FBXW4: variants seen among roughly 807,000 people sequenced by gnomAD.
FBXW4 encodes F-box and WD repeat domain containing 4, also known as F-box/WD repeat-containing protein 4.
In FBXW4, 40 loss-of-function variants were observed where a neutral mutation model predicts 61.8. The ratio of observed to expected loss-of-function variants is 0.65; its 90% CI spans 0.50 to 0.84. The LOEUF (loss-of-function observed/expected upper bound fraction) is 0.84. Ranked by LOEUF, FBXW4 falls within the 40% of genes least tolerant of loss-of-function variation. The probability of loss-of-function intolerance (pLI) is 0.00; values close to 1 mark genes in which losing one functional copy is unlikely to be tolerated. For missense variants in FBXW4, 672 were observed against 753.8 expected (o/e 0.89, Z 1.27); for synonymous variants, 311 against 313.8 (o/e 0.99, Z 0.10).
At chr10:101,689,007 C>A (rs986063344) in intron 1 of FBXW4, among the ~76,000 whole-genome samples, 4 of 152,054 alleles carry the variant, frequency 2.6e-5, no homozygotes, top group Non-Finnish European at 4.4e-5. Flanking sequence ...ACACGTAATT[C>A]TTTTCTAAGT....
At chr10:101,689,779 G>T (rs1278416090) in intron 1 of FBXW4, among the ~76,000 whole-genome samples, 3 of 152,144 alleles carry the variant, frequency 2.0e-5, no homozygotes, top group Non-Finnish European at 4.4e-5. Context: ...AACACACTCT[G>T]CTTATCTGTG....
At chr10:101,675,971 A>G (rs1301997944) in intron 2 of FBXW4, among the ~76,000 whole-genome samples, 1 of 152,228 alleles carries the variant, frequency 6.6e-6, no homozygotes, top group Non-Finnish European at 1.5e-5. Context: ...TATTTGTAAA[A>G]TAAGATGAAT....
In FBXW4 at chr10:101,612,342, G is replaced by C; in HGVS notation, c.1437C>G (p.Ser479Arg). The change falls in exon 7 of 9, where the codon AGC (serine) becomes AGG (arginine). Residue 479 changes from serine (S) to arginine (R), a missense_variant. Transcript: ENST00000331272. ...TCCCTGCCCAGCACACTCACCGGAC[G>C]CTGGTGCGGAGGTCCCAGTAGCGAA... ...TYVRYWDLRT[S>R]VRKCVMEWEE... 1 of 1,565,224 alleles carries C rather than the reference G, an allele frequency of 6.4e-7. No homozygotes were observed. Among genetic ancestry groups the C allele is most frequent in the Non-Finnish European group, 8.7e-7 (1 of 1,152,732 alleles).
At chr10:101,652,840 A>G (rs2064155826) in intron 5 of FBXW4, among the ~76,000 whole-genome samples, 1 of 151,938 alleles carries the variant, frequency 6.6e-6, no homozygotes. Flanking sequence ...TGGCTGATCT[A>G]CTCTTCTCCA....
At chr10:101,664,287 T>C (rs1450531355) in intron 5 of FBXW4, among the ~76,000 whole-genome samples, 1 of 152,142 alleles carries the variant, frequency 6.6e-6, no homozygotes, top group African/African-American at 2.4e-5. Context: ...GATTAATATA[T>C]CTGACAAATT....
At chr10:101,624,973 C>T in intron 5 of FBXW4, 163 bp from the exon 6 acceptor site, 1 of 743,934 alleles carries the variant, frequency 1.3e-6, no homozygotes, top group Non-Finnish European at 2.3e-6. Flanking sequence ...GGGAAGACAT[C>T]TTGGAGCACT....
chr10:101,649,479 G>GA (rs1488691108), intron 5 of FBXW4, among the ~76,000 whole-genome samples: 1 of 151,854 alleles, frequency 6.6e-6, no homozygotes, highest in Non-Finnish European at 1.5e-5. Context: ...AAATATTAAG[G>GA]AAAAAAAAGA....
chr10:101,621,561 G>T (rs769460507), intron 6 of FBXW4, among the ~76,000 whole-genome samples: 1 of 152,044 alleles, frequency 6.6e-6, no homozygotes, highest in Admixed American at 6.6e-5. Context: ...AAACTCCGAG[G>T]TACTAGTTTG....
At chr10:101,663,315 C>G (rs1381318980) in intron 5 of FBXW4, among the ~76,000 whole-genome samples, 1 of 152,036 alleles carries the variant, frequency 6.6e-6, no homozygotes, top group Non-Finnish European at 1.5e-5. Context: ...GAAGCTGACA[C>G]GTATCAAGTG....
At chr10:101,674,326 CAAA>C (rs11431014) in intron 2 of FBXW4, among the ~76,000 whole-genome samples, 2 of 140,048 alleles carry the variant, frequency 1.4e-5, no homozygotes, top group South Asian at 2.3e-4. Flanking sequence ...GAGACTGTCT[CAAA>C]AAAAAAAAAA....
chr10:101,670,733 T>C (rs1003893279), intron 4 of FBXW4, among the ~76,000 whole-genome samples: 6 of 152,212 alleles, frequency 3.9e-5, no homozygotes, highest in Admixed American at 1.3e-4. Context: ...AATGAAGGAA[T>C]GGTTAGTACC....
intron 5 of FBXW4, among the ~76,000 whole-genome samples, chr10:101,665,111 G>C (rs2134881217): frequency 6.6e-6 from 1 of 152,094 alleles, no homozygotes; most frequent in East Asian, 1.9e-4. Flanking sequence ...TTATTGAAAG[G>C]TTCAAATTCA....
chr10:101,620,188 C>G (rs2063857251), intron 6 of FBXW4, among the ~76,000 whole-genome samples: 1 of 152,268 alleles, frequency 6.6e-6, no homozygotes, highest in African/African-American at 2.4e-5. Context: ...ACCCCAAGTC[C>G]TGCCGGCAAT....
At position 101,656,400 on chromosome 10, in the gene FBXW4, T is replaced by C. The variant is rs142256886; in HGVS notation, c.1235+11486A>G. Among the ~76,000 whole-genome samples the C allele has an allele frequency of 1.8e-3, 279 of 152,350 alleles. 7 individuals are homozygous for C. In the East Asian group the frequency reaches 0.046, roughly 25 times the overall value. ...GGGAAATCGAGAGAGGAAAAAGGCC[T>C]GGTGGCCTCACATTCTACTTCATCA... On this transcript the variant is annotated intron_variant, in intron 5 of 8. Coordinates refer to ENST00000331272, the MANE Select transcript of FBXW4 (RefSeq NM_022039.4).
At chr10:101,656,765 C>G (rs1208085645) in intron 5 of FBXW4, among the ~76,000 whole-genome samples, 1 of 152,126 alleles carries the variant, frequency 6.6e-6, no homozygotes, top group African/African-American at 2.4e-5. Flanking sequence ...ACATGGAAAA[C>G]ATGGGGGTGG....
intron 6 of FBXW4, among the ~76,000 whole-genome samples, chr10:101,620,076 C>T (rs2063856378): frequency 6.6e-6 from 1 of 152,182 alleles, no homozygotes; most frequent in Non-Finnish European, 1.5e-5. Flanking sequence ...GCTCTCTGCC[C>T]AAGCCCCAGC....
At chr10:101,679,874 A>G (rs940463115) in intron 1 of FBXW4, among the ~76,000 whole-genome samples, 1 of 152,106 alleles carries the variant, frequency 6.6e-6, no homozygotes, top group Non-Finnish European at 1.5e-5. Context: ...TAATTTTTCT[A>G]TCACTTACCC....
At chr10:101,683,290 G>A (rs1399616574) in intron 1 of FBXW4, among the ~76,000 whole-genome samples, 1 of 152,194 alleles carries the variant, frequency 6.6e-6, no homozygotes, top group African/African-American at 2.4e-5. Flanking sequence ...AAATCTCTCC[G>A]TGGATGTTAA....
intron 1 of FBXW4, among the ~76,000 whole-genome samples, chr10:101,682,085 T>C (rs2064483968): frequency 6.6e-6 from 1 of 152,210 alleles, no homozygotes; most frequent in Non-Finnish European, 1.5e-5. Context: ...ACAAAAAAAG[T>C]TAATTATCTT....
Sources: allele counts gnomAD v4.1 joint callset (sites outside exome capture counted in the v4.1 genomes callset), GRCh38; gene constraint gnomAD v4.1.1; transcripts MANE v1.5; gene names NCBI Gene and HGNC (gene_info 2026-07-23, HGNC 2026-07-21).